FHIT: variants seen among roughly 807,000 people sequenced by gnomAD.
The protein encoded by FHIT is bis(5'-adenosyl)-triphosphatase.
FHIT carries 19 observed loss-of-function variants against 17.9 expected under a neutral mutation model. The observed-to-expected ratio is 1.06, with a 90% CI of 0.74 to 1.56. The LOEUF (loss-of-function observed/expected upper bound fraction) is 1.56. FHIT is among the 40% of genes most tolerant of loss of function. FHIT has a pLI of 0.00. For missense variants in FHIT, 248 were observed against 189.2 expected, an observed-to-expected ratio of 1.31 and a Z score of -1.82; for synonymous variants, 81 against 69.7, an observed-to-expected ratio of 1.16 and a Z score of -0.81.
At chr3:60,632,436 G>A (rs1193370108) in intron 4 of FHIT, among the ~76,000 whole-genome samples, 1 of 152,146 alleles carries the variant, frequency 6.6e-6, no homozygotes, top group Non-Finnish European at 1.5e-5. Context: ...TTTTGTTTTT[G>A]TAGTAAAGAT....
At chr3:59,943,206 G>A (rs533001095) in intron 7 of FHIT, among the ~76,000 whole-genome samples, 1 of 152,172 alleles carries the variant, frequency 6.6e-6, no homozygotes, top group African/African-American at 2.4e-5. Context: ...GAATCAGGAA[G>A]CTGATCAGGA....
intron 4 of FHIT, among the ~76,000 whole-genome samples, chr3:60,668,192 T>C (rs2040424542): frequency 6.6e-6 from 1 of 151,694 alleles, no homozygotes; most frequent in Non-Finnish European, 1.5e-5. Flanking sequence ...GTTCATTCTT[T>C]TTTTACGTGT....
intron 4 of FHIT, among the ~76,000 whole-genome samples, chr3:60,649,385 G>A (rs1294596797): frequency 6.6e-6 from 1 of 152,158 alleles, no homozygotes; most frequent in Admixed American, 6.5e-5. Flanking sequence ...CTGGGTGACA[G>A]AGCGAGAGTC....
In FHIT at chr3:60,235,749, C is replaced by T. The variant is rs541877437; in HGVS notation, c.104-221597G>A. 5.3e-4 allele frequency among the ~76,000 whole-genome samples: 80 copies of T among 152,238 alleles called. 4 individuals carry two copies. The South Asian group carries it at 0.016, about 31-fold the overall frequency. On this transcript the variant is annotated intron_variant, in intron 5 of 9. Transcript: ENST00000492590. Reference sequence around the variant, plus strand: ...TCACAACAGAAAGAAAGCTGTCATGCTTGCTTTGATTAAAGAGGATGTAGT... The same window carrying T: ...TCACAACAGAAAGAAAGCTGTCATGTTTGCTTTGATTAAAGAGGATGTAGT...
chr3:60,293,369 A>G (rs1359921952), intron 5 of FHIT, among the ~76,000 whole-genome samples: 2 of 152,102 alleles, frequency 1.3e-5, no homozygotes, highest in Non-Finnish European at 2.9e-5. Context: ...AGAAAATATA[A>G]GAAAAAAGGA....
chr3:60,838,190 C>T (rs782016203), intron 3 of FHIT, among the ~76,000 whole-genome samples: 5 of 152,136 alleles, frequency 3.3e-5, no homozygotes, highest in Non-Finnish European at 5.9e-5. Flanking sequence ...TTTAGTTTTC[C>T]GGCTGGGCGT....
intron 5 of FHIT, among the ~76,000 whole-genome samples, chr3:60,244,374 A>C (rs1705285770): frequency 1.3e-5 from 2 of 152,022 alleles, no homozygotes; most frequent in South Asian, 4.1e-4. Flanking sequence ...TCTAAAAATA[A>C]TTTCCCAGGA....
rs550740061 is a variant in FHIT, at chr3:61,213,714, C to A, written c.-212-13049G>T. On this transcript the variant is annotated intron_variant, in intron 1 of 9. Coordinates refer to ENST00000492590, the MANE Select transcript of FHIT (RefSeq NM_002012.4). ...ACAACAGAACATACATTTTTTTCAG[C>A]ACCACACCACACCTATTCCAAAATT... is the stretch of plus-strand genomic sequence containing the variant. 1.8e-4 allele frequency among the ~76,000 whole-genome samples: 28 copies of A among 152,254 alleles called. No homozygotes were observed. In the Middle Eastern group the frequency reaches 0.01, roughly 55 times the overall value.
At chr3:60,567,760 GA>G (rs1450668339) in intron 4 of FHIT, among the ~76,000 whole-genome samples, 1 of 151,764 alleles carries the variant, frequency 6.6e-6, no homozygotes, top group African/African-American at 2.4e-5. Context: ...AAATCTACAA[GA>G]AAAAAACAAA....
intron 2 of FHIT, among the ~76,000 whole-genome samples, chr3:61,107,472 C>T (rs9836068): frequency 0.053 from 8,071 of 152,052 alleles, 709 homozygotes; most frequent in African/African-American, 0.18. Flanking sequence ...ATTTTATTTC[C>T]TTTGGATAAC....
At chr3:61,025,504 T>C (rs1318993601) in intron 3 of FHIT, among the ~76,000 whole-genome samples, 3 of 152,042 alleles carry the variant, frequency 2.0e-5, no homozygotes, top group African/African-American at 7.2e-5. Flanking sequence ...ACATTGAACA[T>C]GAAAATCTTC....
intron 3 of FHIT, among the ~76,000 whole-genome samples, chr3:60,895,907 T>C (rs540815411): frequency 6.6e-6 from 1 of 151,764 alleles, no homozygotes; most frequent in African/African-American, 2.4e-5. Context: ...CTGCAATTAG[T>C]CATTGCTCTA....
chr3:60,368,981 GT>G (rs60344820), intron 5 of FHIT, among the ~76,000 whole-genome samples: 2,472 of 149,566 alleles, frequency 0.017, 67 homozygotes, highest in African/African-American at 0.057. Context: ...TTTTCTCTTT[GT>G]TTTTTTTTCC....
At chr3:60,184,482 T>C (rs1702078759) in intron 5 of FHIT, among the ~76,000 whole-genome samples, 1 of 152,186 alleles carries the variant, frequency 6.6e-6, no homozygotes, top group Non-Finnish European at 1.5e-5. Context: ...TTTCTCATGA[T>C]TGCACTATGT....
chr3:59,896,920 A>G (rs1704096885), intron 8 of FHIT, among the ~76,000 whole-genome samples: 1 of 152,192 alleles, frequency 6.6e-6, no homozygotes, highest in African/African-American at 2.4e-5. Flanking sequence ...CAAGGAAAGA[A>G]GCCAGAAACA....
chr3:59,816,418 G>T (rs1350631471), intron 8 of FHIT, among the ~76,000 whole-genome samples: 2 of 152,144 alleles, frequency 1.3e-5, no homozygotes, highest in African/African-American at 4.8e-5. Flanking sequence ...TAATACTGTG[G>T]ATTTCTTCCT....
chr3:60,444,878 A>C (rs2031209734), intron 5 of FHIT, among the ~76,000 whole-genome samples: 1 of 152,086 alleles, frequency 6.6e-6, no homozygotes. Flanking sequence ...AAAGAAAAGA[A>C]AAACTCTGAC....
intron 5 of FHIT, among the ~76,000 whole-genome samples, chr3:60,211,338 T>C (rs997956034): frequency 6.6e-6 from 1 of 152,008 alleles, no homozygotes; most frequent in Non-Finnish European, 1.5e-5. Context: ...ACAGAGTAAG[T>C]ATTAAAAATT....
intron 5 of FHIT, among the ~76,000 whole-genome samples, chr3:60,507,864 T>C (rs1489737516): frequency 5.3e-5 from 8 of 152,230 alleles, no homozygotes; most frequent in African/African-American, 1.9e-4. Flanking sequence ...TCATTCTTTT[T>C]ATGGCTGCAT....
Sources: allele counts gnomAD v4.1 joint callset (sites outside exome capture counted in the v4.1 genomes callset), GRCh38; gene constraint gnomAD v4.1.1; transcripts MANE v1.5; gene names NCBI Gene and HGNC (gene_info 2026-07-23, HGNC 2026-07-21).